Variants in LRCH1 observed in about 807,000 individuals in gnomAD.
LRCH1 encodes the protein leucine-rich repeat and calponin homology domain-containing protein 1.
Under a neutral mutation model 94.9 loss-of-function variants are expected in LRCH1, and 23 were observed. That is an observed-to-expected ratio of 0.24 (90% CI 0.17 to 0.34). The LOEUF (loss-of-function observed/expected upper bound fraction) is 0.34, where lower values mean the gene tolerates loss of function less well. LRCH1 is among the 10% of genes least tolerant of loss of function. The pLI is 1.00. For missense variants in LRCH1, 790 were observed against 945.9 expected (o/e 0.84, Z 2.16); for synonymous variants, 364 against 354.9 (o/e 1.03, Z -0.29).
chr13:46,673,606 C>T (rs1046290976), intron 3 of LRCH1, among the ~76,000 whole-genome samples: 1 of 152,188 alleles, frequency 6.6e-6, no homozygotes, highest in Non-Finnish European at 1.5e-5. Context: ...TTTGGGAGCA[C>T]CCCAAGCATT....
At chr13:46,731,707 C>T (rs1056399524) in intron 18 of LRCH1, among the ~76,000 whole-genome samples, 3 of 152,170 alleles carry the variant, frequency 2.0e-5, no homozygotes, top group African/African-American at 2.4e-5. Flanking sequence ...GGCCCAGCCA[C>T]GCTGTAGCCG....
At chr13:46,667,859 C>T (rs2051540985) in intron 2 of LRCH1, among the ~76,000 whole-genome samples, 1 of 152,154 alleles carries the variant, frequency 6.6e-6, no homozygotes, top group Non-Finnish European at 1.5e-5. Flanking sequence ...TGTACCTATA[C>T]CCGAAGAGGA....
chr13:46,567,178 C>T (rs2050193426), intron 1 of LRCH1, among the ~76,000 whole-genome samples: 1 of 152,136 alleles, frequency 6.6e-6, no homozygotes, highest in South Asian at 2.1e-4. Flanking sequence ...AGTTTACTTT[C>T]TAGAACATTA....
At chr13:46,685,297 T>C (rs1870547834) in intron 4 of LRCH1, among the ~76,000 whole-genome samples, 1 of 152,208 alleles carries the variant, frequency 6.6e-6, no homozygotes, top group African/African-American at 2.4e-5. Flanking sequence ...TTAAGCTAAA[T>C]GTAATGTTCT....
intron 2 of LRCH1, among the ~76,000 whole-genome samples, chr13:46,664,295 T>A (rs1395660647): frequency 1.3e-5 from 2 of 152,232 alleles, no homozygotes; most frequent in African/African-American, 2.4e-5. Flanking sequence ...ATGGACCACA[T>A]ATGTGACAGT....
At chr13:46,700,101 G>A (rs1466110132) in intron 10 of LRCH1, among the ~76,000 whole-genome samples, 4 of 152,178 alleles carry the variant, frequency 2.6e-5, no homozygotes, top group African/African-American at 9.7e-5. Context: ...AGGGGAGGGG[G>A]TGTGTGATCC....
At chr13:46,731,247 T>C (rs1429312469) in intron 18 of LRCH1, among the ~76,000 whole-genome samples, 1 of 152,136 alleles carries the variant, frequency 6.6e-6, no homozygotes, top group Non-Finnish European at 1.5e-5. Context: ...AAAATTCTCT[T>C]TTTTTTCTGG....
chr13:46,692,805 T>A (rs563184642), intron 8 of LRCH1, among the ~76,000 whole-genome samples, 164 bp downstream of exon 8: 29 of 152,252 alleles, frequency 1.9e-4, no homozygotes, highest in African/African-American at 6.7e-4. Flanking sequence ...AATTTAAAAG[T>A]CAAAGATGGA....
At chr13:46,625,829 T>G (rs1316822740) in intron 1 of LRCH1, among the ~76,000 whole-genome samples, 1 of 152,008 alleles carries the variant, frequency 6.6e-6, no homozygotes, top group Non-Finnish European at 1.5e-5. Context: ...TATTTTTGTA[T>G]TTTTTGTAGA....
At chr13:46,581,622 G>A (rs1245061084) in intron 1 of LRCH1, among the ~76,000 whole-genome samples, 1 of 152,194 alleles carries the variant, frequency 6.6e-6, no homozygotes, top group Non-Finnish European at 1.5e-5. Flanking sequence ...GAGCACAAAT[G>A]TGTAAGTAAT....
At chr13:46,667,840 AC>A (rs1238900722) in intron 2 of LRCH1, among the ~76,000 whole-genome samples, 1 of 152,234 alleles carries the variant, frequency 6.6e-6, no homozygotes, top group African/African-American at 2.4e-5. Context: ...GGAAATAAAA[AC>A]CATCCATTGT....
chr13:46,560,226 G>A (rs186900039), intron 1 of LRCH1, among the ~76,000 whole-genome samples: 43 of 147,630 alleles, frequency 2.9e-4, no homozygotes, highest in African/African-American at 9.9e-4. Flanking sequence ...GTGTGGTACT[G>A]CATGTGCTTT....
At chr13:46,623,463 A>T (rs2138028492) in intron 1 of LRCH1, among the ~76,000 whole-genome samples, 1 of 152,316 alleles carries the variant, frequency 6.6e-6, no homozygotes, top group South Asian at 2.1e-4. Flanking sequence ...GATTTTTAGT[A>T]CCAGTAAGGC....
rs141940056 is a variant in LRCH1, at chr13:46,706,270, G to A, written c.1527+966G>A. Among the ~76,000 whole-genome samples, 527 of 152,298 alleles carry A rather than the reference G, an allele frequency of 3.5e-3. 4 individuals carry two copies. The highest frequency in any genetic ancestry group is 0.011 in the African/African-American group (472 of 41,562). On this transcript the variant is annotated intron_variant, in intron 13 of 19. Coordinates refer to ENST00000389797, the MANE Select transcript of LRCH1 (RefSeq NM_001164211.2). ...TCTCTAAACATTCATTACTGTAATT[G>A]GGATCATAATACTACCTATTGTAAA...
intron 1 of LRCH1, among the ~76,000 whole-genome samples, chr13:46,581,590 C>T (rs77780839): frequency 0.028 from 4,219 of 152,276 alleles, 83 homozygotes; most frequent in East Asian, 0.058. Context: ...TTCTCATCCC[C>T]GTGTTAGATG....
At chr13:46,694,827 A>G in intron 8 of LRCH1, 66 bp from the exon 9 acceptor site, 2 of 1,550,144 alleles carry the variant, frequency 1.3e-6, no homozygotes, top group Admixed American at 1.7e-5. Context: ...ATATTTGAAG[A>G]TCAGCTGTGT....
intron 1 of LRCH1, among the ~76,000 whole-genome samples, chr13:46,628,485 G>A (rs114281772): frequency 1.4e-4 from 21 of 151,934 alleles, no homozygotes; most frequent in African/African-American, 4.6e-4. Flanking sequence ...GTGAAATCCC[G>A]TCTCCACTAA....
intron 1 of LRCH1, among the ~76,000 whole-genome samples, chr13:46,574,883 T>G (rs1226319775): frequency 6.6e-6 from 1 of 151,444 alleles, no homozygotes; most frequent in African/African-American, 2.4e-5. Context: ...CTTAATTTTT[T>G]CCTTGTGTGT....
intron 1 of LRCH1, among the ~76,000 whole-genome samples, chr13:46,587,044 T>C (rs1016036503): frequency 6.6e-6 from 1 of 152,200 alleles, no homozygotes; most frequent in Non-Finnish European, 1.5e-5. Context: ...TGTGGTTTGC[T>C]AAGGATCAAC....
Sources: gnomAD v4.1 joint callset for allele counts (sites outside exome capture counted in the v4.1 genomes callset) on GRCh38, gnomAD v4.1.1 for gene constraint, MANE v1.5 for transcripts, NCBI Gene and HGNC (gene_info 2026-07-23, HGNC 2026-07-21) for gene names.